TIAM1: variants seen among roughly 807,000 people sequenced by gnomAD.
TIAM1 encodes TIAM Rac1 associated GEF 1.
TIAM1 carries 65 observed loss-of-function variants against 163.5 expected under a neutral mutation model. The observed-to-expected ratio is 0.40, with a 90% CI of 0.33 to 0.49. The LOEUF (loss-of-function observed/expected upper bound fraction) is 0.49. TIAM1 is among the 20% of genes least tolerant of loss of function. The pLI is 0.77. For missense variants in TIAM1, 1,789 were observed against 2,044.7 expected (o/e 0.87, Z 2.41); for synonymous variants, 833 against 810.1 (o/e 1.03, Z -0.48).
chr21:31,489,543 G>A (rs868358258), intron 1 of TIAM1, among the ~76,000 whole-genome samples: 1 of 119,962 alleles, frequency 8.3e-6, no homozygotes, highest in South Asian at 2.9e-4. Flanking sequence ...AGGGAGGGAG[G>A]GAAAATTGTG....
intron 1 of TIAM1, among the ~76,000 whole-genome samples, chr21:31,549,288 G>C (rs2048602881): frequency 6.6e-6 from 1 of 152,162 alleles, no homozygotes; most frequent in Non-Finnish European, 1.5e-5. Flanking sequence ...GTAGTGAAAA[G>C]TATTGGCAGA....
rs181831159 is a variant in TIAM1, at chr21:31,237,824, G to C, written c.1584+7664C>G. 1.1e-4 allele frequency among the ~76,000 whole-genome samples: 17 copies of C among 152,336 alleles called. No individual in the cohort carries two copies. In the East Asian group the frequency reaches 2.9e-3, roughly 26 times the overall value. ...TATTAGGATATGTTACCATAAAGGTGGGTGAGCTTTTTGGAATTGTATGTG... is the reference window on the plus strand; with the variant it reads ...TATTAGGATATGTTACCATAAAGGTCGGTGAGCTTTTTGGAATTGTATGTG... On this transcript the variant is annotated intron_variant, in intron 6 of 27. Transcript: ENST00000541036.
At chr21:31,319,779 CAAAAAA>C (rs34265205) in intron 2 of TIAM1, among the ~76,000 whole-genome samples, 5 of 101,356 alleles carry the variant, frequency 4.9e-5, no homozygotes, top group African/African-American at 1.1e-4. Context: ...GACTCTATCT[CAAAAAA>C]AAAAAAAAAA....
At chr21:31,421,298 A>G (rs1163479398) in intron 2 of TIAM1, among the ~76,000 whole-genome samples, 1 of 152,164 alleles carries the variant, frequency 6.6e-6, no homozygotes, top group Non-Finnish European at 1.5e-5. Context: ...AAGAAATGCT[A>G]AAGATTGCTA....
At chr21:31,177,478 A>T (rs2084814539) in intron 15 of TIAM1, among the ~76,000 whole-genome samples, 1 of 152,168 alleles carries the variant, frequency 6.6e-6, no homozygotes, top group Non-Finnish European at 1.5e-5. Context: ...GTGGTGGCGG[A>T]TGCCTGTAAT....
chr21:31,316,968 A>G (rs943125416), intron 2 of TIAM1, among the ~76,000 whole-genome samples: 1 of 152,178 alleles, frequency 6.6e-6, no homozygotes, highest in Non-Finnish European at 1.5e-5. Context: ...CAGGAAACCT[A>G]CGTTGCTGTA....
intron 1 of TIAM1, among the ~76,000 whole-genome samples, chr21:31,485,793 C>G (rs553343842): frequency 2.0e-5 from 3 of 152,264 alleles, no homozygotes; most frequent in African/African-American, 4.8e-5. Context: ...AGCCCCCACA[C>G]GTATTAGCAC....
chr21:31,323,219 C>T (rs1037603211), intron 2 of TIAM1, among the ~76,000 whole-genome samples: 2 of 150,826 alleles, frequency 1.3e-5, no homozygotes, highest in South Asian at 2.1e-4. Context: ...ACCCGGGAGG[C>T]GGAGCTTGCA....
At chr21:31,144,506 TG>T (rs1159398377) in intron 20 of TIAM1, among the ~76,000 whole-genome samples, 1 of 152,168 alleles carries the variant, frequency 6.6e-6, no homozygotes, top group African/African-American at 2.4e-5. Context: ...AGAGTTATCC[TG>T]ACACTCTGGG....
At chr21:31,226,086 G>T in intron 6 of TIAM1, 136 bp from the exon 7 acceptor site, 1 of 687,218 alleles carries the variant, frequency 1.5e-6, no homozygotes. Context: ...AGAATAACCT[G>T]ACCTCCTCTT....
rs2082358043 is a variant in TIAM1 at position 31,130,202 on chromosome 21, TGA to T, written c.4045+9_4045+10del. 4 of 1,607,566 alleles carry T rather than the reference TGA, an allele frequency of 2.5e-6. No individual in the cohort carries two copies. Among genetic ancestry groups the T allele is most frequent in the Non-Finnish European group, 2.6e-6 (3 of 1,175,158 alleles). On this transcript the variant is annotated intron_variant, in intron 25 of 27. Transcript: ENST00000541036. ...ATGTGTGTGAAATACCCAGCACAGG[TGA>T]GAGTTTACCTGCACTCGCCAAAGCT...
chr21:31,181,444 C>A (rs1170067971), intron 15 of TIAM1, among the ~76,000 whole-genome samples: 3 of 151,436 alleles, frequency 2.0e-5, no homozygotes, highest in Non-Finnish European at 4.4e-5. Flanking sequence ...AGGCAGGTGG[C>A]ACTCACGCTG....
chr21:31,458,978 G>A (rs867246729), intron 2 of TIAM1, among the ~76,000 whole-genome samples: 2 of 152,324 alleles, frequency 1.3e-5, no homozygotes, highest in Middle Eastern at 3.4e-3. Context: ...CCCTAAATGA[G>A]GAGGACAGGA....
intron 2 of TIAM1, among the ~76,000 whole-genome samples, chr21:31,312,529 C>T (rs1003883423): frequency 2.0e-5 from 3 of 152,238 alleles, no homozygotes; most frequent in East Asian, 1.9e-4. Context: ...CTTTCCCTAA[C>T]CAAAAATTTC....
intron 2 of TIAM1, among the ~76,000 whole-genome samples, chr21:31,427,435 C>A (rs929287738): frequency 4.6e-5 from 7 of 151,172 alleles, no homozygotes; most frequent in African/African-American, 1.7e-4. Flanking sequence ...TGCAGTGAGC[C>A]GAGATTATGC....
At chr21:31,321,903 A>C (rs2075328351) in intron 2 of TIAM1, among the ~76,000 whole-genome samples, 2 of 151,854 alleles carry the variant, frequency 1.3e-5, no homozygotes, top group East Asian at 3.9e-4. Flanking sequence ...AAATACAAAA[A>C]TTAGCCAGGT....
intron 2 of TIAM1, among the ~76,000 whole-genome samples, chr21:31,335,368 G>C (rs143464210): frequency 6.6e-6 from 1 of 152,236 alleles, no homozygotes; most frequent in Non-Finnish European, 1.5e-5. Flanking sequence ...ACAAGCTCAT[G>C]AACAGTGAAA....
Position 31,326,814 on chromosome 21 carries a change from C to T in TIAM1, c.-189+12429G>A, listed in dbSNP as rs2075503930. ...TGATGTGAGGTTTAACTAATGTGCACTTGGGGTTTTAAGATCCCTAGATGA... is the reference window on the plus strand; with the variant it reads ...TGATGTGAGGTTTAACTAATGTGCATTTGGGGTTTTAAGATCCCTAGATGA... On this transcript the variant is annotated intron_variant, in intron 2 of 27. Transcript: ENST00000541036. Among the ~76,000 whole-genome samples the T allele has an allele frequency of 2.6e-5, 4 of 152,174 alleles. No individual in the cohort carries two copies. The South Asian group carries it at 8.3e-4, about 32-fold the overall frequency.
Position 31,120,670 on chromosome 21 carries a change from G to A in TIAM1, c.4474C>T (p.Gln1492Ter). 2 of 1,614,024 alleles carry A rather than the reference G, an allele frequency of 1.2e-6. No homozygotes were observed. Among genetic ancestry groups the A allele is most frequent in the Non-Finnish European group, 8.5e-7 (1 of 1,180,022 alleles). ...TTGATGTCATCTTGCTCCTCATACT[G>A]AGCAAGATCAAACTGCTCCTCTACC... The part of the protein sequence containing the change: ...RWVEEQFDLA[Q>*]YEEQDDIKET... The change falls in exon 28 of 28, where the codon CAG becomes TAG. Residue 1492 changes from glutamine to a stop codon, truncating the protein, a stop_gained. Transcript: ENST00000541036. LOFTEE classifies it high-confidence loss of function. This position sits in a 1 kb window ranked among gnomAD's most constrained non-coding sequence, Gnocchi z 4.2.
Sources: allele counts gnomAD v4.1 joint callset (sites outside exome capture counted in the v4.1 genomes callset), GRCh38; gene constraint gnomAD v4.1.1; non-coding constraint Gnocchi (gnomAD v3.1); transcripts MANE v1.5; gene names NCBI Gene and HGNC (gene_info 2026-07-23, HGNC 2026-07-21).